The following PNLIPRP1 variants were observed in gnomAD, a reference collection of about 807,000 sequenced individuals.
PNLIPRP1 encodes inactive pancreatic lipase-related protein 1.
A neutral mutation model predicts 54.6 loss-of-function variants in PNLIPRP1; 57 were observed. That is an observed-to-expected ratio of 1.04 (90% CI 0.84 to 1.30). The LOEUF is 1.30. Ranked by LOEUF, PNLIPRP1 falls within the 50% of genes most tolerant of loss-of-function variation. The pLI is 0.00. For missense variants in PNLIPRP1, 567 were observed against 568.5 expected, an observed-to-expected ratio of 1.00 and a Z score of 0.03; for synonymous variants, 232 against 208.8, an observed-to-expected ratio of 1.11 and a Z score of -0.96.
chr10:116,606,130 A>C (rs552286280), intron 12 of PNLIPRP1, among the ~76,000 whole-genome samples: 19 of 152,046 alleles, frequency 1.2e-4, no homozygotes, highest in Non-Finnish European at 2.2e-4. Flanking sequence ...CAAACCTCAG[A>C]CCCCAAGTCT....
chr10:116,602,348 A>G (rs1051789077), intron 10 of PNLIPRP1, among the ~76,000 whole-genome samples: 1 of 152,172 alleles, frequency 6.6e-6, no homozygotes, highest in African/African-American at 2.4e-5. Context: ...GTAAGAAGAC[A>G]TTGATTAATC....
intron 6 of PNLIPRP1, 42 bp from the exon 7 acceptor site, chr10:116,597,784 TAC>T: frequency 6.2e-7 from 1 of 1,612,962 alleles, no homozygotes; most frequent in Non-Finnish European, 8.5e-7. Flanking sequence ...TGCTGACATC[TAC>T]AGTCAGGTCT....
Position 116,601,171 on chromosome 10 carries a change from T to C in PNLIPRP1, c.1033T>C (p.Leu345=), listed in dbSNP as rs782427258. Residue 345 remains leucine, a synonymous_variant, in exon 10 of 13, where the codon TTG becomes CTG. Transcript: ENST00000358834. ...RTSEEQQKFF[L]NTGEASNFAR... ...AAGTGAAGAGCAGCAGAAATTCTTCTTGAACACAGGAGAGGCTAGCAATTT... is the reference window on the plus strand; with the variant it reads ...AAGTGAAGAGCAGCAGAAATTCTTCCTGAACACAGGAGAGGCTAGCAATTT... 3.0e-5 allele frequency: 48 copies of C among 1,613,990 alleles called. No individual in the cohort carries two copies. The highest frequency in any genetic ancestry group is 6.8e-6 in the Non-Finnish European group (8 of 1,180,022).
At chr10:116,602,884 TAA>T (rs1346994011) in intron 10 of PNLIPRP1, among the ~76,000 whole-genome samples, 26 of 152,244 alleles carry the variant, frequency 1.7e-4, no homozygotes, top group Admixed American at 5.9e-4. Flanking sequence ...TGTGCGTGGT[TAA>T]ATGTGTGTAG....
chr10:116,604,251 G>C, intron 11 of PNLIPRP1, 113 bp downstream of exon 11: 1 of 544,212 alleles, frequency 1.8e-6, no homozygotes, highest in East Asian at 3.2e-5. Flanking sequence ...TTTAATTATA[G>C]TCATGCAACA....
chr10:116,592,028 C>A, intron 3 of PNLIPRP1, 103 bp downstream of exon 3: 1 of 1,242,662 alleles, frequency 8.0e-7, no homozygotes, highest in Non-Finnish European at 1.1e-6. Flanking sequence ...TCCACCATGC[C>A]CCACCCCATC....
chr10:116,594,253 A>C (rs953087185), intron 4 of PNLIPRP1: 2 of 468,584 alleles, frequency 4.3e-6, no homozygotes, highest in Non-Finnish European at 8.5e-6. Flanking sequence ...ACATGTGTCT[A>C]CTCCATGAAG....
chr10:116,603,923 G>T, intron 10 of PNLIPRP1, 107 bp from the exon 11 acceptor site: 1 of 531,458 alleles, frequency 1.9e-6, no homozygotes, highest in Non-Finnish European at 3.3e-6. Flanking sequence ...TTTTAGAAAA[G>T]AATTTCTTAT....
Position 116,598,129 on chromosome 10 carries a change from C to T in PNLIPRP1, c.777C>T (p.Ala259=), listed in dbSNP as rs1161235655. The T allele has an allele frequency of 1.2e-6, 2 of 1,613,908 alleles. No individual in the cohort carries two copies. The highest frequency in any genetic ancestry group is 2.7e-5 in the African/African-American group (2 of 74,896). The part of the protein sequence containing the change: ...GESMPGCKKN[A]LSQIVDLDGI... The stretch of plus-strand genomic sequence containing the variant: ...GCATGCCGGGATGCAAGAAGAATGC[C>T]CTGTCTCAGATCGTGGATCTAGATG... Residue 259 remains alanine (A), a synonymous_variant, in exon 8 of 13, where the codon GCC becomes GCT. Coordinates refer to ENST00000358834, the MANE Select transcript of PNLIPRP1 (RefSeq NM_006229.4).
At chr10:116,600,758 A>T (rs1448983153) in intron 9 of PNLIPRP1, among the ~76,000 whole-genome samples, 3 of 152,204 alleles carry the variant, frequency 2.0e-5, no homozygotes, top group African/African-American at 7.2e-5. Context: ...AAGCACTGCA[A>T]TCCAGGGTTT....
At chr10:116,606,805 G>T (rs1342933176) in intron 12 of PNLIPRP1, among the ~76,000 whole-genome samples, 1 of 152,162 alleles carries the variant, frequency 6.6e-6, no homozygotes, top group African/African-American at 2.4e-5. Flanking sequence ...GTGCCCATCA[G>T]CTGTCACCTG....
intron 2 of PNLIPRP1, 128 bp downstream of exon 2, chr10:116,591,306 C>T: frequency 1.4e-6 from 1 of 700,614 alleles, no homozygotes; most frequent in Non-Finnish European, 2.4e-6. Context: ...TGTGGGCTGA[C>T]ACTCTGCCTG....
At chr10:116,606,480 G>A (rs782339126) in intron 12 of PNLIPRP1, among the ~76,000 whole-genome samples, 17 of 152,092 alleles carry the variant, frequency 1.1e-4, no homozygotes, top group Non-Finnish European at 1.8e-4. Flanking sequence ...GCAAGCTGGA[G>A]GTGCAACCAA....
intron 12 of PNLIPRP1, among the ~76,000 whole-genome samples, chr10:116,606,261 G>A (rs1391559285): frequency 1.3e-5 from 2 of 152,126 alleles, no homozygotes; most frequent in Non-Finnish European, 2.9e-5. Context: ...CACTCCCCCA[G>A]GTGGGGAGGG....
In PNLIPRP1 at chr10:116,598,204, C is replaced by A. The variant is rs369919126; in HGVS notation, c.814+38C>A. 28 of 1,588,920 alleles carry A rather than the reference C, an allele frequency of 1.8e-5. No individual in the cohort carries two copies. In the African/African-American group the frequency reaches 3.1e-4, roughly 18 times the overall value. On this transcript the variant is annotated intron_variant, in intron 8 of 12. Coordinates refer to ENST00000358834, the MANE Select transcript of PNLIPRP1 (RefSeq NM_006229.4). ...TGGGGTGAGGGGAGCAGGGCGGGTACTTTCCTGGAGTGACCAATACCTTTC... is the reference window on the plus strand; with the variant it reads ...TGGGGTGAGGGGAGCAGGGCGGGTAATTTCCTGGAGTGACCAATACCTTTC...
At chr10:116,599,390 G>A (rs1847793634) in intron 8 of PNLIPRP1, among the ~76,000 whole-genome samples, 1 of 152,120 alleles carries the variant, frequency 6.6e-6, no homozygotes, top group South Asian at 2.1e-4. Context: ...ATCAGTAATG[G>A]CCCAGCAAGC....
At chr10:116,605,300 C>T (rs894083065) in intron 11 of PNLIPRP1, 86 bp from the exon 12 acceptor site, 1 of 706,752 alleles carries the variant, frequency 1.4e-6, no homozygotes, top group African/African-American at 1.8e-5. Flanking sequence ...TCCTGTTAAT[C>T]TAGAAGAGAA....
At chr10:116,596,706 A>C (rs1554864012) in intron 6 of PNLIPRP1, among the ~76,000 whole-genome samples, 1 of 152,116 alleles carries the variant, frequency 6.6e-6, no homozygotes. Context: ...TTCTCTTTGA[A>C]ATCAAGGGCA....
In PNLIPRP1 at chr10:116,594,832, G is replaced by T; in HGVS notation, c.433G>T (p.Ala145Ser). ...QAANNVRVVG[A>S]QVAQMLDILL... ...TGCCAACAACGTGCGAGTGGTGGGC[G>T]CCCAGGTGGCCCAGATGCTCGACAT... The change falls in exon 5 of 13, where the codon GCC (alanine) becomes TCC (serine). Residue 145 changes from alanine to serine, a missense_variant. Coordinates refer to ENST00000358834, the MANE Select transcript of PNLIPRP1 (RefSeq NM_006229.4). 1 of 1,614,024 alleles carries T rather than the reference G, an allele frequency of 6.2e-7. No individual in the cohort carries two copies. Among genetic ancestry groups the T allele is most frequent in the Non-Finnish European group, 8.5e-7 (1 of 1,180,020 alleles).
Sources: allele counts gnomAD v4.1 joint callset (sites outside exome capture counted in the v4.1 genomes callset), GRCh38; gene constraint gnomAD v4.1.1; transcripts MANE v1.5; gene names NCBI Gene and HGNC (gene_info 2026-07-23, HGNC 2026-07-21).